KDM2B: variants seen among roughly 807,000 people sequenced by gnomAD.
KDM2B encodes lysine-specific demethylase 2B.
In KDM2B, 26 loss-of-function variants were observed where a neutral mutation model predicts 150.0. The observed-to-expected ratio is 0.17, with a 90% CI of 0.13 to 0.24. KDM2B has a LOEUF of 0.24. KDM2B is among the 10% of genes least tolerant of loss of function. The probability of loss-of-function intolerance (pLI) is 1.00; values close to 1 mark genes in which losing one functional copy is unlikely to be tolerated. For missense variants in KDM2B, 1,265 were observed against 1,816.9 expected, an observed-to-expected ratio of 0.70 and a Z score of 5.52; for synonymous variants, 734 against 729.5, an observed-to-expected ratio of 1.01 and a Z score of -0.10.
chr12:121,521,750 G>C lies in KDM2B; in HGVS notation c.932-650C>G, dbSNP rs1555305980. Among the ~76,000 whole-genome samples, 2 of 152,094 alleles carry C rather than the reference G, an allele frequency of 1.3e-5. No homozygotes were observed. The highest frequency in any genetic ancestry group is 2.4e-5 in the African/African-American group (1 of 41,434). On this transcript the variant is annotated intron_variant, in intron 8 of 22. Coordinates refer to ENST00000377071, the MANE Select transcript of KDM2B (RefSeq NM_032590.5). The surrounding 1 kb of genome is among the most constrained non-coding windows in gnomAD (Gnocchi z 4.9). ...CTCTCCTGCAGCTTCTCACAGCTGGGAGCCGCAGTTTTTCATCTCTCCAAA... is the reference window on the plus strand; with the variant it reads ...CTCTCCTGCAGCTTCTCACAGCTGGCAGCCGCAGTTTTTCATCTCTCCAAA...
chr12:121,481,143 C>G (rs552254820), intron 12 of KDM2B, among the ~76,000 whole-genome samples: 1 of 152,076 alleles, frequency 6.6e-6, no homozygotes, highest in East Asian at 1.9e-4. Context: ...GTTGGTCAGG[C>G]TGGTCTCCAA....
chr12:121,433,114 T>C (rs1873336026), intron 22 of KDM2B: 3 of 456,378 alleles, frequency 6.6e-6, no homozygotes, highest in Non-Finnish European at 1.3e-5. Context: ...TGGGCCCTCT[T>C]TGGAGGCTCA....
rs537273721 is a variant in KDM2B at position 121,501,789 on chromosome 12, T to A, written c.1648-7124A>T. On this transcript the variant is annotated intron_variant, in intron 11 of 22. Coordinates refer to ENST00000377071, the MANE Select transcript of KDM2B (RefSeq NM_032590.5). ...GCACGCACCACCATGCCCTGCTAATTTTTTTGTATTTTTAGTAGAGATGGG... is the reference window on the plus strand; with the variant it reads ...GCACGCACCACCATGCCCTGCTAATATTTTTGTATTTTTAGTAGAGATGGG... 9.5e-4 allele frequency among the ~76,000 whole-genome samples: 145 copies of A among 152,024 alleles called. No homozygotes were observed. In the East Asian group the frequency reaches 0.025, roughly 26 times the overall value.
At chr12:121,515,757 G>A (rs1201530347) in intron 9 of KDM2B, among the ~76,000 whole-genome samples, 1 of 151,980 alleles carries the variant, frequency 6.6e-6, no homozygotes, top group Non-Finnish European at 1.5e-5. Context: ...CCACTGCTGG[G>A]CCTCCTCTCT....
intron 13 of KDM2B, among the ~76,000 whole-genome samples, chr12:121,447,193 A>T (rs116546570): frequency 0.011 from 1,749 of 152,292 alleles, 38 homozygotes; most frequent in African/African-American, 0.04. Context: ...CCTCCAAAAC[A>T]ACATATCACA....
chr12:121,527,247 G>A (rs1208934309), intron 8 of KDM2B, among the ~76,000 whole-genome samples: 2,273 of 146,330 alleles, frequency 0.016, 61 homozygotes, highest in African/African-American at 0.054. Context: ...TAGTAGAGAC[G>A]GGGTTTCACC....
At chr12:121,573,356 C>T (rs1161655028) in intron 4 of KDM2B, among the ~76,000 whole-genome samples, 2 of 151,416 alleles carry the variant, frequency 1.3e-5, no homozygotes, top group African/African-American at 4.9e-5. Context: ...GATCTCAGCT[C>T]GCTGCAGCCT....
chr12:121,420,396 C>T, the KDM2B span: 19 of 1,553,634 alleles, frequency 1.2e-5, no homozygotes, highest in Non-Finnish European at 1.7e-5. Flanking sequence ...GGGACAGTGC[C>T]CTGTGGACAT....
chr12:121,508,408 A>G (rs530320539), intron 11 of KDM2B, among the ~76,000 whole-genome samples: 8 of 152,286 alleles, frequency 5.3e-5, no homozygotes, highest in Admixed American at 1.3e-4. Context: ...ATCTTAATAT[A>G]TCTTTATCCC....
chr12:121,461,147 G>A (rs570182574), intron 12 of KDM2B, among the ~76,000 whole-genome samples: 3 of 152,310 alleles, frequency 2.0e-5, no homozygotes, highest in African/African-American at 7.2e-5. Flanking sequence ...GTGGGTCTTA[G>A]AGGGAGAACA....
At position 121,509,633 on chromosome 12, in the gene KDM2B, G is replaced by A; in HGVS notation, c.1581C>T (p.Leu527=). Residue 527 remains leucine (L), a synonymous_variant, in exon 11 of 23, where the codon CTC becomes CTT. Transcript: ENST00000377071. ...CGGGGACACACTTCTTGTTCTCCGG[G>A]AGGGATTCCAGTTTCTCCACCAGAG... is the stretch of plus-strand genomic sequence containing the variant. ...LKALVEKLES[L]PENKKCVPEG... 9.3e-6 allele frequency: 15 copies of A among 1,613,994 alleles called. No homozygotes were observed. The highest frequency in any genetic ancestry group is 1.3e-5 in the Non-Finnish European group (15 of 1,180,036).
At chr12:121,508,287 A>G (rs1555303261) in intron 11 of KDM2B, among the ~76,000 whole-genome samples, 1 of 152,008 alleles carries the variant, frequency 6.6e-6, no homozygotes. Flanking sequence ...GGGTCTCCCT[A>G]TGTTGGCCAG....
At chr12:121,526,369 A>G (rs1555306795) in intron 8 of KDM2B, among the ~76,000 whole-genome samples, 1 of 152,092 alleles carries the variant, frequency 6.6e-6, no homozygotes, top group East Asian at 1.9e-4. Context: ...AAAAAAAAAG[A>G]AAGTTTGTTA....
chr12:121,442,054 G>T lies in KDM2B; in HGVS notation c.3284+103C>A. 1 of 950,016 alleles carries T rather than the reference G, an allele frequency of 1.1e-6. No homozygotes were observed. The allele number at this position is 950,016 out of a possible 1,614,324, so 58.8% of individuals were successfully genotyped here. ...TTGCGGAGCACAATGAAGCCATACTGGGGTTTGGAAGGAAAGAGCATCGCC... is the reference window on the plus strand; with the variant it reads ...TTGCGGAGCACAATGAAGCCATACTTGGGTTTGGAAGGAAAGAGCATCGCC... On this transcript the variant is annotated intron_variant, in intron 19 of 22. Transcript: ENST00000377071. This position sits in a 1 kb window ranked among gnomAD's most constrained non-coding sequence, Gnocchi z 7.7.
intron 6 of KDM2B, chr12:121,536,131 G>C (rs1476836623): frequency 1.3e-5 from 13 of 984,114 alleles, no homozygotes; most frequent in African/African-American, 3.5e-5. Flanking sequence ...GAGATAATGC[G>C]GGGAGTGGGG....
intron 22 of KDM2B, among the ~76,000 whole-genome samples, chr12:121,435,370 A>T (rs1555286528): frequency 1.3e-5 from 2 of 152,220 alleles, no homozygotes; most frequent in Non-Finnish European, 2.9e-5. Flanking sequence ...AGAAAGCTTA[A>T]TTAACCCTAA....
At chr12:121,559,038 G>A (rs1473553598) in intron 4 of KDM2B, among the ~76,000 whole-genome samples, 1 of 152,196 alleles carries the variant, frequency 6.6e-6, no homozygotes, top group East Asian at 1.9e-4. Context: ...AGTCAGGCCA[G>A]GGCCAAGCCA....
chr12:121,551,358 T>G (rs1206187805), intron 4 of KDM2B, among the ~76,000 whole-genome samples: 1 of 151,150 alleles, frequency 6.6e-6, no homozygotes, highest in Non-Finnish European at 1.5e-5. Flanking sequence ...TTTTTTTTTT[T>G]TTTTTGAGAC....
At chr12:121,539,270 G>A (rs553301636) in intron 6 of KDM2B, among the ~76,000 whole-genome samples, 23 of 138,074 alleles carry the variant, frequency 1.7e-4, no homozygotes, top group Middle Eastern at 4.9e-3. Flanking sequence ...GAGGTCAAGG[G>A]TGAATCACGA....
Sources: allele counts gnomAD v4.1 joint callset (sites outside exome capture counted in the v4.1 genomes callset), GRCh38; gene constraint gnomAD v4.1.1; non-coding constraint Gnocchi (gnomAD v3.1); transcripts MANE v1.5; gene names NCBI Gene and HGNC (gene_info 2026-07-23, HGNC 2026-07-21).